The following SEMA4B variants were observed in gnomAD, a reference collection of about 807,000 sequenced individuals.
SEMA4B encodes the protein semaphorin-4B.
Under a neutral mutation model 88.1 loss-of-function variants are expected in SEMA4B, and 55 were observed. The observed-to-expected ratio is 0.62, with a 90% CI of 0.50 to 0.78. SEMA4B has a LOEUF of 0.78. Among genes scored for constraint, SEMA4B ranks in the 30% least tolerant of loss-of-function variants. SEMA4B has a pLI of 0.00. For missense variants in SEMA4B, 1,062 were observed against 1,111.9 expected, an observed-to-expected ratio of 0.96 and a Z score of 0.64; for synonymous variants, 525 against 473.6, an observed-to-expected ratio of 1.11 and a Z score of -1.41.
chr15:90,205,098 C>A (rs1442936062), intron 1 of SEMA4B, among the ~76,000 whole-genome samples: 1 of 152,192 alleles, frequency 6.6e-6, no homozygotes, highest in East Asian at 1.9e-4. Context: ...TTAATTCCCT[C>A]CTGCCCCAGA....
intron 1 of SEMA4B, among the ~76,000 whole-genome samples, chr15:90,209,973 A>C (rs1185541370): frequency 6.6e-6 from 1 of 152,220 alleles, no homozygotes; most frequent in Non-Finnish European, 1.5e-5. Flanking sequence ...CGGCTCCCAG[A>C]GAGCCCTCTG....
chr15:90,205,889 GC>G (rs1960963170), intron 1 of SEMA4B, among the ~76,000 whole-genome samples: 1 of 152,168 alleles, frequency 6.6e-6, no homozygotes, highest in South Asian at 2.1e-4. Context: ...TCCTGATTCA[GC>G]CTTTTCAAAG....
rs148180935 is a variant in SEMA4B, at chr15:90,227,248, A to G, written c.1689-309A>G. 8 of 319,384 alleles carry G rather than the reference A, an allele frequency of 2.5e-5. No homozygotes were observed. In the East Asian group the frequency reaches 2.6e-4, roughly 10 times the overall value. 19.8% of individuals were successfully genotyped at this position (319,384 alleles called of 1,614,324 possible). A position where few individuals can be genotyped will look rare whatever the true frequency, so the allele number is the denominator to read the frequency against. On this transcript the variant is annotated intron_variant, in intron 12 of 13. Transcript: ENST00000411539. ...TTTTTTGTAGAGATGGGGTCTCGCT[A>G]TGTTGCCCAGGTTGTCTTGAATTCC...
intron 1 of SEMA4B, among the ~76,000 whole-genome samples, chr15:90,214,199 C>G (rs1381616435): frequency 6.6e-6 from 1 of 152,028 alleles, no homozygotes; most frequent in Non-Finnish European, 1.5e-5. Flanking sequence ...CAAAAATTAG[C>G]TGGGCATGGT....
chr15:90,222,170 G>C (rs1164049205), intron 7 of SEMA4B, among the ~76,000 whole-genome samples: 2 of 149,996 alleles, frequency 1.3e-5, no homozygotes, highest in African/African-American at 4.9e-5. Flanking sequence ...AAACTCCTGG[G>C]CTCAAACAAT....
Position 90,191,690 on chromosome 15 carries a change from C to T in SEMA4B, c.-122+6609C>T, listed in dbSNP as rs369820933. Among the ~76,000 whole-genome samples, 11 of 152,324 alleles carry T rather than the reference C, an allele frequency of 7.2e-5. 1 individual carries two copies. The East Asian group carries it at 1.2e-3, about 16-fold the overall frequency. On this transcript the variant is annotated intron_variant, in intron 1 of 14. Transcript: ENST00000332496. ...TCCAGGAGCAAGAAAAACAAGAGGC[C>T]GGTAGCGGGGAAAATGGTTTGGGGA...
rs113037639 is a variant in SEMA4B, at chr15:90,228,203, A to G, written c.2074A>G (p.Ile692Val). 1.0e-3 allele frequency: 1,662 copies of G among 1,610,612 alleles called. 16 individuals are homozygous for G. The African/African-American group carries it at 0.018, about 18-fold the overall frequency. ...AGATGAGGGTGGCAGTGTACCCGTCATTATCAGCACATCGCGTGTGAGTGC... is the reference window on the plus strand; with the variant it reads ...AGATGAGGGTGGCAGTGTACCCGTCGTTATCAGCACATCGCGTGTGAGTGC... ...QTDEGGSVPVIISTSRVSAPA... is the reference protein window; with the variant it reads ...QTDEGGSVPVVISTSRVSAPA... Residue 692 changes from isoleucine (I) to valine (V), a missense_variant, in exon 14 of 14, where the codon ATT becomes GTT. Physicochemically the swap from Ile to Val is conservative, Grantham distance 29. Transcript: ENST00000411539.
chr15:90,190,211 C>G (rs1478594300), intron 1 of SEMA4B: 8 of 152,290 alleles, frequency 5.3e-5, no homozygotes, highest in Admixed American at 2.6e-4. Context: ...ACCCTCACAT[C>G]AGCTTTCTGT....
chr15:90,190,408 T>A (rs1420771747), intron 1 of SEMA4B: 1 of 152,268 alleles, frequency 6.6e-6, no homozygotes, highest in African/African-American at 2.4e-5. Flanking sequence ...TCCTGCCCAC[T>A]CTCTGGGATC....
chr15:90,220,171 A>G (rs1961739064), intron 4 of SEMA4B: 2 of 392,148 alleles, frequency 5.1e-6, no homozygotes, highest in South Asian at 4.2e-5. Context: ...TGCTTCTTCC[A>G]GCATCTCTCC....
In SEMA4B at chr15:90,223,856, A is replaced by G. The variant is rs1282861804; in HGVS notation, c.1062A>G (p.Glu354=). Residue 354 remains glutamate, a synonymous_variant, in exon 9 of 14, where the codon GAA becomes GAG. Coordinates refer to ENST00000411539, the MANE Select transcript of SEMA4B (RefSeq NM_198925.4). Reference sequence around the variant, plus strand: ...TCTGCAGGCACAGGGGAACTACAGAAGGCTCTGCCGTCTGTGTCTTCACAA... The same window carrying G: ...TCTGCAGGCACAGGGGAACTACAGAGGGCTCTGCCGTCTGTGTCTTCACAA... ...FTSQWHRGTT[E]GSAVCVFTMK... is the part of the protein sequence containing the mutation. The G allele has an allele frequency of 6.2e-7, 1 of 1,613,926 alleles. No homozygotes were observed. The highest frequency in any genetic ancestry group is 8.5e-7 in the Non-Finnish European group (1 of 1,179,864).
rs752218801 is a variant in SEMA4B, at chr15:90,225,186, T to A, written c.1405+8T>A. ...TCCTCTTCCTGGGCACTGGTAAGTG[T>A]CTGCAGCCCAGCAGGCTCAGGGGAA... On this transcript the variant is annotated splice_region_variant and intron_variant, in intron 10 of 13. Coordinates refer to ENST00000411539, the MANE Select transcript of SEMA4B (RefSeq NM_198925.4). 4 of 1,587,692 alleles carry A rather than the reference T, an allele frequency of 2.5e-6. No individual in the cohort carries two copies. Among genetic ancestry groups the A allele is most frequent in the Non-Finnish European group, 2.6e-6 (3 of 1,166,766 alleles).
At chr15:90,200,810 C>T (rs150310504), upstream of SEMA4B, among the ~76,000 whole-genome samples, 806 of 152,340 alleles carry the variant, frequency 5.3e-3, 12 homozygotes, top group African/African-American at 0.019. Context: ...AGACTAAGTG[C>T]TGAGCTTGTA....
chr15:90,202,516 C>T (rs1960796391), intron 1 of SEMA4B, among the ~76,000 whole-genome samples: 1 of 152,220 alleles, frequency 6.6e-6, no homozygotes, highest in Non-Finnish European at 1.5e-5. Flanking sequence ...TTTTCCCTTC[C>T]ATCCGGTTGC....
At chr15:90,186,488 G>A (rs1055902542) in intron 1 of SEMA4B, among the ~76,000 whole-genome samples, 1 of 151,936 alleles carries the variant, frequency 6.6e-6, no homozygotes, top group Non-Finnish European at 1.5e-5. Context: ...GCATGGTGGC[G>A]CATGCCTGTA....
chr15:90,228,010 C>T lies in SEMA4B; in HGVS notation c.1881C>T (p.Ala627=). The T allele has an allele frequency of 6.2e-7, 1 of 1,613,938 alleles. No homozygotes were observed. The highest frequency in any genetic ancestry group is 8.5e-7 in the Non-Finnish European group (1 of 1,179,888). ...CCCGACTCTGGCTACGCAACGGGGC[C>T]CCCGTCAATGCCTCGGCCTCCTGCC... is the stretch of plus-strand genomic sequence containing the variant. ...LATRLWLRNG[A]PVNASASCHV... The change falls in exon 14 of 14, where the codon GCC becomes GCT. Residue 627 remains alanine, a synonymous_variant. Coordinates refer to ENST00000411539, the MANE Select transcript of SEMA4B (RefSeq NM_198925.4).
intron 1 of SEMA4B, among the ~76,000 whole-genome samples, chr15:90,188,180 A>G (rs759273946): frequency 2.6e-5 from 4 of 152,028 alleles, no homozygotes; most frequent in East Asian, 1.9e-4. Context: ...TTAGCCGAGC[A>G]TGGTGGCCCA....
intron 1 of SEMA4B, among the ~76,000 whole-genome samples, chr15:90,216,663 G>T (rs2151613235): frequency 6.6e-6 from 1 of 152,286 alleles, no homozygotes; most frequent in African/African-American, 2.4e-5. Context: ...GGCCAACATG[G>T]TGAAACCCCG....
At chr15:90,227,883 C>T (rs771209313) in intron 13 of SEMA4B, 21 bp from the exon 14 acceptor site, 1 of 1,607,814 alleles carries the variant, frequency 6.2e-7, no homozygotes, top group South Asian at 1.1e-5. Context: ...CCCCCCTACC[C>T]CATGCCTTTT....
Sources: allele counts gnomAD v4.1 joint callset (sites outside exome capture counted in the v4.1 genomes callset), GRCh38; gene constraint gnomAD v4.1.1; transcripts MANE v1.5; gene names NCBI Gene and HGNC (gene_info 2026-07-23, HGNC 2026-07-21).